Variants in TNRC18 observed in about 807,000 individuals in gnomAD.
TNRC18 encodes the protein trinucleotide repeat containing 18, also known as trinucleotide repeat-containing gene 18 protein.
Under a neutral mutation model 226.7 loss-of-function variants are expected in TNRC18, and 69 were observed. That is an observed-to-expected ratio of 0.30 (90% confidence interval 0.25 to 0.37). The LOEUF is 0.37. TNRC18 is among the 10% of genes least tolerant of loss of function. The probability of loss-of-function intolerance (pLI) is 1.00; values close to 1 mark genes in which losing one functional copy is unlikely to be tolerated. For synonymous variants in TNRC18, 2,449 were observed against 1,927.6 expected, an observed-to-expected ratio of 1.27 and a Z score of -7.09; for missense variants, 4,754 against 4,256.6, an observed-to-expected ratio of 1.12 and a Z score of -3.25.
At chr7:5,408,316 A>T (rs1781614285) in intron 2 of TNRC18, among the ~76,000 whole-genome samples, 1 of 150,436 alleles carries the variant, frequency 6.6e-6, no homozygotes, top group Non-Finnish European at 1.5e-5. Context: ...AAAAAAAAAA[A>T]TGGAACGAAA....
rs1788774943 is a variant in TNRC18, at chr7:5,325,224, G to A, written c.6172C>T (p.Pro2058Ser). The A allele has an allele frequency of 6.4e-7, 1 of 1,553,674 alleles. No homozygotes were observed. The highest frequency in any genetic ancestry group is 8.7e-7 in the Non-Finnish European group (1 of 1,152,902). Residue 2058 changes from proline (P) to serine (S), a missense_variant, in exon 20 of 30, where the codon CCA becomes TCA. Transcript: ENST00000430969. The part of the protein sequence containing the change: ...RKKKKGKEAG[P>S]GAGLPPPRAP... Reference sequence around the variant, plus strand: ...CGGGGCGGCGGCAGCCCAGCTCCTGGCCCAGCCTCTTTCCCTTTCTTCTTC... The same window carrying A: ...CGGGGCGGCGGCAGCCCAGCTCCTGACCCAGCCTCTTTCCCTTTCTTCTTC...
At chr7:5,407,195 A>C (rs996141514) in intron 2 of TNRC18, 1 of 152,366 alleles carries the variant, frequency 6.6e-6, no homozygotes, top group Non-Finnish European at 1.5e-5. Flanking sequence ...ACCTGTGGCC[A>C]CCGCCGCCGT....
rs562218624 is a variant in TNRC18, at chr7:5,370,617, G to T, written c.3977C>A (p.Ala1326Glu). The T allele has an allele frequency of 6.2e-7, 1 of 1,613,140 alleles. No homozygotes were observed. Among genetic ancestry groups the T allele is most frequent in the African/African-American group, 1.3e-5 (1 of 74,946 alleles). Reference sequence around the variant, plus strand: ...ACTGGGCAGGAACTGGTCAGAGCTTGCCTCTTCCAGGAAGCAGGTGCTGCC... The same window carrying T: ...ACTGGGCAGGAACTGGTCAGAGCTTTCCTCTTCCAGGAAGCAGGTGCTGCC... ...VLGSTCFLEE[A>E]SSDQFLPSLE... is the part of the protein sequence containing the mutation. The change falls in exon 11 of 30, where the codon GCA becomes GAA. Residue 1326 changes from alanine to glutamate, a missense_variant. Coordinates refer to ENST00000430969, the MANE Select transcript of TNRC18 (RefSeq NM_001080495.3).
At chr7:5,422,613 G>A (rs1782648747) in intron 1 of TNRC18, among the ~76,000 whole-genome samples, 1 of 152,088 alleles carries the variant, frequency 6.6e-6, no homozygotes, top group African/African-American at 2.4e-5. Flanking sequence ...GCTCCCGGGT[G>A]CCCGCCCGGC....
In TNRC18 at chr7:5,361,877, C is replaced by G; in HGVS notation, c.4532+20G>C. The G allele has an allele frequency of 5.2e-6, 8 of 1,531,018 alleles. No homozygotes were observed. Among genetic ancestry groups the G allele is most frequent in the Non-Finnish European group, 7.0e-6 (8 of 1,139,144 alleles). 94.8% of individuals were successfully genotyped at this position (1,531,018 alleles called of 1,614,324 possible). On this transcript the variant is annotated intron_variant, in intron 13 of 29. Coordinates refer to ENST00000430969, the MANE Select transcript of TNRC18 (RefSeq NM_001080495.3). ...GGGCCGGGGCAGGGGCCCCACGGGG[C>G]GGGCGGGGGACACACTCACTCGGAG...
Position 5,309,282 on chromosome 7 carries a change from G to A in TNRC18, c.8475C>T (p.Ala2825=), listed in dbSNP as rs542169413. 1.6e-5 allele frequency: 26 copies of A among 1,613,886 alleles called. No individual in the cohort carries two copies. Among genetic ancestry groups the A allele is most frequent in the South Asian group, 5.5e-5 (5 of 91,074 alleles). The change falls in exon 28 of 30, where the codon GCC becomes GCT. Residue 2825 remains alanine (A), a synonymous_variant. Transcript: ENST00000430969. The surrounding 1 kb of genome is among the most constrained non-coding windows in gnomAD (Gnocchi z 5.7). The part of the protein sequence containing the change: ...GKEMIRIGDC[A]VFLSAGRPNL... ...TGGGGCGGCCGGCAGAGAGGAACACGGCACAGTCCCCGATACGGATCATCT... is the reference window on the plus strand; with the variant it reads ...TGGGGCGGCCGGCAGAGAGGAACACAGCACAGTCCCCGATACGGATCATCT...
intron 19 of TNRC18, among the ~76,000 whole-genome samples, chr7:5,326,761 C>T (rs569397714): frequency 2.0e-5 from 3 of 150,958 alleles, no homozygotes; most frequent in East Asian, 3.9e-4. Context: ...GAGCCGAGAT[C>T]GCGCCACCAC....
At chr7:5,378,947 G>A (rs987333869) in intron 5 of TNRC18, among the ~76,000 whole-genome samples, 1 of 150,876 alleles carries the variant, frequency 6.6e-6, no homozygotes, top group African/African-American at 2.4e-5. Flanking sequence ...CACTTTGGGA[G>A]GCCGGGTGGG....
chr7:5,358,414 T>G (rs1183924192), intron 15 of TNRC18, among the ~76,000 whole-genome samples: 1 of 152,206 alleles, frequency 6.6e-6, no homozygotes, highest in East Asian at 1.9e-4. Flanking sequence ...AAAGCATCCC[T>G]CACCACAATT....
At chr7:5,386,850 G>A (rs58213418) in intron 5 of TNRC18, among the ~76,000 whole-genome samples, 4,232 of 152,144 alleles carry the variant, frequency 0.028, 142 homozygotes, top group African/African-American at 0.077. Context: ...TGAGATGGGC[G>A]GATCACCTGA....
intron 29 of TNRC18, among the ~76,000 whole-genome samples, chr7:5,308,564 C>G (rs546410793): frequency 6.6e-6 from 1 of 151,986 alleles, no homozygotes; most frequent in African/African-American, 2.4e-5. Context: ...AGACCGAGAT[C>G]GAGAGAGACC....
Position 5,313,603 on chromosome 7 carries a change from T to G in TNRC18, c.7288A>C (p.Met2430Leu), listed in dbSNP as rs745866853. ...TSLAPAPLIT[M>L]PATRPKPKKA... ...TTGGGCTTGGGGCGTGTGGCAGGCA[T>G]GGTGATGAGGGGTGCTGGGGCCAGG... The change falls in exon 27 of 30, where the codon ATG (methionine) becomes CTG (leucine). Residue 2430 changes from methionine to leucine, a missense_variant. Physicochemically the swap from Met to Leu is conservative, Grantham distance 15. Transcript: ENST00000430969. The G allele has an allele frequency of 1.6e-5, 26 of 1,603,638 alleles. No individual in the cohort carries two copies. The Admixed American group carries it at 4.3e-4, about 26-fold the overall frequency.
chr7:5,347,930 G>A lies in TNRC18; in HGVS notation c.5471-2120C>T, dbSNP rs903374168. 1.4e-4 allele frequency among the ~76,000 whole-genome samples: 22 copies of A among 152,168 alleles called. 1 individual carries two copies. ...CGATCGCCACTGCACTCCAGCCTAG[G>A]TGACAGAGCAAGACTCCGTCTCAAA... is the stretch of plus-strand genomic sequence containing the variant. On this transcript the variant is annotated intron_variant, in intron 17 of 29. Transcript: ENST00000430969.
At chr7:5,379,576 G>A (rs949254731) in intron 5 of TNRC18, among the ~76,000 whole-genome samples, 2 of 152,182 alleles carry the variant, frequency 1.3e-5, no homozygotes, top group Non-Finnish European at 2.9e-5. Flanking sequence ...CCAGAGGAGA[G>A]GGGACAGGGA....
intron 25 of TNRC18, among the ~76,000 whole-genome samples, chr7:5,315,586 G>A (rs1787771868): frequency 6.6e-6 from 1 of 152,134 alleles, no homozygotes; most frequent in Non-Finnish European, 1.5e-5. Flanking sequence ...ACCACGCCCG[G>A]CTAATTTTTG....
chr7:5,395,965 C>T (rs561435016), intron 2 of TNRC18, among the ~76,000 whole-genome samples: 4 of 148,992 alleles, frequency 2.7e-5, no homozygotes, highest in East Asian at 2.0e-4. Flanking sequence ...CCACTGCACT[C>T]CAGCCTGGGC....
chr7:5,338,926 GAAAAAA>G (rs778716584), intron 18 of TNRC18, among the ~76,000 whole-genome samples: 1 of 64,332 alleles, frequency 1.6e-5, no homozygotes, highest in Admixed American at 1.8e-4. Context: ...ATCTCAAAAG[GAAAAAA>G]AAAAAAAAAA....
chr7:5,332,300 A>G (rs1375900482), intron 19 of TNRC18, among the ~76,000 whole-genome samples: 1 of 152,000 alleles, frequency 6.6e-6, no homozygotes, highest in Admixed American at 6.6e-5. Context: ...AGGTGCAGTG[A>G]CATGTGTCTG....
At chr7:5,392,320 G>A (rs773852696) in intron 3 of TNRC18, among the ~76,000 whole-genome samples, 1 of 152,114 alleles carries the variant, frequency 6.6e-6, no homozygotes. Flanking sequence ...AAAATTAGAC[G>A]GGTGTGGTAG....
Sources: gnomAD v4.1 joint callset for allele counts (sites outside exome capture counted in the v4.1 genomes callset) on GRCh38, gnomAD v4.1.1 for gene constraint, Gnocchi (gnomAD v3.1) non-coding constraint, MANE v1.5 for transcripts, NCBI Gene and HGNC (gene_info 2026-07-23, HGNC 2026-07-21) for gene names.